DUSP12: variants seen among roughly 807,000 people sequenced by gnomAD.
DUSP12 encodes the protein dual specificity protein phosphatase 12.
In DUSP12, 25 loss-of-function variants were observed where a neutral mutation model predicts 38.9. That is an observed-to-expected ratio of 0.64 (90% CI 0.47 to 0.90). The LOEUF (loss-of-function observed/expected upper bound fraction) is 0.90, where lower values mean the gene tolerates loss of function less well. Among genes scored for constraint, DUSP12 ranks in the 40% least tolerant of loss-of-function variants. The pLI, the probability that DUSP12 is intolerant of heterozygous loss-of-function variation, is 0.00. For missense variants in DUSP12, 403 were observed against 427.0 expected (o/e 0.94, Z 0.50); for synonymous variants, 153 against 153.9 (o/e 0.99, Z 0.05).
rs1448527458 is a variant in DUSP12 at position 161,756,870 on chromosome 1, G to C, written c.946G>C (p.Ala316Pro). The stretch of plus-strand genomic sequence containing the variant: ...CTCTTGTGGTAGGTGGATAACACCT[G>C]CTTTTCAAATACATAAGAATAGAGT... ...QCSCGRWITP[A>P]FQIHKNRVDE... Residue 316 changes from alanine to proline, a missense_variant, in exon 6 of 6, where the codon GCT becomes CCT. Ala to Pro is a conservative substitution (Grantham distance 27). Coordinates refer to ENST00000367943, the MANE Select transcript of DUSP12 (RefSeq NM_007240.3). The C allele has an allele frequency of 1.2e-6, 2 of 1,613,902 alleles. No homozygotes were observed. Among genetic ancestry groups the C allele is most frequent in the Non-Finnish European group, 1.7e-6 (2 of 1,179,832 alleles).
intron 5 of DUSP12, among the ~76,000 whole-genome samples, chr1:161,755,892 T>C (rs536845749): frequency 6.6e-6 from 1 of 152,340 alleles, no homozygotes; most frequent in East Asian, 1.9e-4. Context: ...AGTCTTGCTC[T>C]GTTGCCCAGG....
chr1:161,752,105 GC>G, intron 3 of DUSP12, 121 bp downstream of exon 3: 1 of 803,450 alleles, frequency 1.2e-6, no homozygotes, highest in Non-Finnish European at 2.0e-6. Context: ...AACTGATTTA[GC>G]CAGAAATAAC....
chr1:161,750,242 G>C (rs1213847299), intron 1 of DUSP12, 97 bp downstream of exon 1: 14 of 1,363,254 alleles, frequency 1.0e-5, no homozygotes, highest in African/African-American at 4.4e-5. Flanking sequence ...ACAAGAGCGC[G>C]GTCATGCCGC....
rs374983278 is a variant in DUSP12, at chr1:161,752,456, A to C, written c.666A>C (p.Arg222Ser). The C allele has an allele frequency of 4.4e-5, 70 of 1,606,124 alleles. No individual in the cohort carries two copies. Among genetic ancestry groups the C allele is most frequent in the Non-Finnish European group, 5.6e-5 (66 of 1,173,880 alleles). Residue 222 changes from arginine to serine, a missense_variant, in exon 4 of 6, where the codon AGA becomes AGC. Arg to Ser is a moderately radical substitution (Grantham distance 110, BLOSUM62 -1). Transcript: ENST00000367943. ...AAGATGAGGTTCTCTACAAGTGTAG[A>C]AAGTGCAGGTAAACTATTTTATATC... ...GLKDEVLYKC[R>S]KCRRSLFRSS...
intron 4 of DUSP12, among the ~76,000 whole-genome samples, chr1:161,752,854 G>A (rs1316218222): frequency 1.3e-5 from 2 of 152,074 alleles, no homozygotes; most frequent in Admixed American, 1.3e-4. Flanking sequence ...GTTGGGCATG[G>A]TGGCTGGTGC....
At chr1:161,755,629 GTTTTC>G (rs1253771423) in intron 5 of DUSP12, among the ~76,000 whole-genome samples, 2 of 152,002 alleles carry the variant, frequency 1.3e-5, no homozygotes, top group African/African-American at 2.4e-5. Flanking sequence ...GCCATTTACT[GTTTTC>G]TTTTCTATAA....
intron 5 of DUSP12, among the ~76,000 whole-genome samples, chr1:161,754,330 CT>C (rs1030789409): frequency 1.3e-5 from 2 of 151,980 alleles, no homozygotes; most frequent in African/African-American, 4.8e-5. Flanking sequence ...GATAATGCTG[CT>C]TTTTTTAAAA....
intron 5 of DUSP12, among the ~76,000 whole-genome samples, chr1:161,755,500 T>A (rs188150827): frequency 9.8e-5 from 15 of 152,350 alleles, no homozygotes; most frequent in African/African-American, 3.4e-4. Context: ...CTTGACATAA[T>A]AGATACTATA....
chr1:161,753,316 T>G (rs1684057021), intron 5 of DUSP12, 55 bp downstream of exon 5: 1 of 1,394,500 alleles, frequency 7.2e-7, no homozygotes, highest in Admixed American at 2.5e-5. Context: ...ATTTTATTCC[T>G]TCTTGCATTT....
At chr1:161,750,268 C>T (rs980726821) in intron 1 of DUSP12, 123 bp downstream of exon 1, 1 of 1,052,056 alleles carries the variant, frequency 9.5e-7, no homozygotes, top group Non-Finnish European at 1.4e-6. Context: ...CCTCCTCCCG[C>T]TGCCTCCCGC....
At position 161,751,703 on chromosome 1, in the gene DUSP12, C is replaced by G; in HGVS notation, c.380C>G (p.Thr127Ser). 6.2e-7 allele frequency: 1 copy of G among 1,612,996 alleles called. No homozygotes were observed. The highest frequency in any genetic ancestry group is 8.5e-7 in the Non-Finnish European group (1 of 1,179,704). Residue 127 changes from threonine (T) to serine (S), a missense_variant, in exon 2 of 6, where the codon ACT becomes AGT. Thr to Ser is a moderately conservative substitution (Grantham distance 58, BLOSUM62 1). Coordinates refer to ENST00000367943, the MANE Select transcript of DUSP12 (RefSeq NM_007240.3). ...GTCAGTCGAAGTGTGGCCATAATAA[C>G]TGCTTTTCTCATGAAGACTGACCAA... ...AGVSRSVAII[T>S]AFLMKTDQLP...
At chr1:161,753,393 T>C (rs897836577) in intron 5 of DUSP12, 132 bp downstream of exon 5, 4 of 782,606 alleles carry the variant, frequency 5.1e-6, no homozygotes, top group Non-Finnish European at 7.4e-6. Context: ...ATTATATCTT[T>C]CTAGTGTAGA....
At chr1:161,753,776 T>C (rs1456966363) in intron 5 of DUSP12, among the ~76,000 whole-genome samples, 1 of 152,088 alleles carries the variant, frequency 6.6e-6, no homozygotes, top group East Asian at 1.9e-4. Context: ...TGTAACAAGA[T>C]AGGGTAAATC....
rs781491189 is a variant in DUSP12, at chr1:161,753,276, T to C, written c.861+15T>C. On this transcript the variant is annotated intron_variant, in intron 5 of 5. Transcript: ENST00000367943. ...TGGATGGACAGGTGAGAACACATTTTATTTTCTACAATTTTATTTTATGAT... is the reference window on the plus strand; with the variant it reads ...TGGATGGACAGGTGAGAACACATTTCATTTTCTACAATTTTATTTTATGAT... 6.5e-7 allele frequency: 1 copy of C among 1,530,452 alleles called. No homozygotes were observed. The highest frequency in any genetic ancestry group is 8.8e-7 in the Non-Finnish European group (1 of 1,135,542). The allele number at this position is 1,530,452 out of a possible 1,614,324, so 94.8% of individuals were successfully genotyped here. A position where few individuals can be genotyped will look rare whatever the true frequency, so the allele number is the denominator to read the frequency against.
chr1:161,753,315 C>T, intron 5 of DUSP12, 54 bp downstream of exon 5: 1 of 1,395,910 alleles, frequency 7.2e-7, no homozygotes, highest in Admixed American at 2.5e-5. Flanking sequence ...TATTTTATTC[C>T]TTCTTGCATT....
chr1:161,752,298 A>G (rs1684034610), intron 3 of DUSP12, 70 bp from the exon 4 acceptor site: 2 of 1,148,804 alleles, frequency 1.7e-6, no homozygotes, highest in Non-Finnish European at 2.6e-6. Flanking sequence ...TCAATTTGAC[A>G]TTAACTGAAT....
rs10527814 is a variant in DUSP12, at chr1:161,756,483, C to CTATATATATATATA, written c.862-279_862-266dup. ...CCTAAATTACAAACTGATTTAAAAG[C>CTATATATATATATA]TATATATATATATATATATATATAT... On this transcript the variant is annotated intron_variant, in intron 5 of 5. Coordinates refer to ENST00000367943, the MANE Select transcript of DUSP12 (RefSeq NM_007240.3). Among the ~76,000 whole-genome samples, 404 of 124,668 alleles carry CTATATATATATATA rather than the reference C, an allele frequency of 3.2e-3. 15 individuals carry two copies. Among genetic ancestry groups the CTATATATATATATA allele is most frequent in the Non-Finnish European group, 5.1e-3 (294 of 57,920 alleles). The allele number at this position is 124,668 out of a possible 152,430, so 81.8% of individuals were successfully genotyped here. A position where few individuals can be genotyped will look rare whatever the true frequency, so the allele number is the denominator to read the frequency against.
At chr1:161,755,349 C>T (rs1684093310) in intron 5 of DUSP12, among the ~76,000 whole-genome samples, 1 of 151,948 alleles carries the variant, frequency 6.6e-6, no homozygotes, top group African/African-American at 2.4e-5. Flanking sequence ...TGATTTTTTT[C>T]TGTAGAATAT....
rs781031027 is a variant in DUSP12, at chr1:161,751,779, T to G, written c.456T>G (p.Ala152=). ...YEKLQILKPE[A]KMNEGFEWQL... ...AGCTCCAGATTCTCAAACCAGAGGC[T>G]AAGTGGGTTCTTTTTTTATAGTAAT... The change falls in exon 2 of 6, where the codon GCT becomes GCG. Residue 152 remains alanine (A), a splice_region_variant and synonymous_variant. Transcript: ENST00000367943. 2 of 1,607,092 alleles carry G rather than the reference T, an allele frequency of 1.2e-6. No homozygotes were observed. The highest frequency in any genetic ancestry group is 4.5e-5 in the East Asian group (2 of 44,866).
Sources: allele counts gnomAD v4.1 joint callset (sites outside exome capture counted in the v4.1 genomes callset), GRCh38; gene constraint gnomAD v4.1.1; transcripts MANE v1.5; gene names NCBI Gene and HGNC (gene_info 2026-07-23, HGNC 2026-07-21).